The following TMEM108 variants were observed in gnomAD, a reference collection of about 807,000 sequenced individuals.
The protein encoded by TMEM108 is cancer/testis antigen 124.
A neutral mutation model predicts 35.1 loss-of-function variants in TMEM108; 12 were observed. That is an observed-to-expected ratio of 0.34 (90% CI 0.22 to 0.55). The LOEUF (loss-of-function observed/expected upper bound fraction) is 0.55, where lower values mean the gene tolerates loss of function less well. Among genes scored for constraint, TMEM108 ranks in the 20% least tolerant of loss-of-function variants. TMEM108 has a pLI of 0.89. For missense variants in TMEM108, 680 were observed against 753.3 expected, an observed-to-expected ratio of 0.90 and a Z score of 1.14; for synonymous variants, 287 against 308.6, an observed-to-expected ratio of 0.93 and a Z score of 0.73.
chr3:133,323,222 T>C (rs2071288121), intron 3 of TMEM108, among the ~76,000 whole-genome samples: 1 of 152,132 alleles, frequency 6.6e-6, no homozygotes, highest in Non-Finnish European at 1.5e-5. Context: ...GTCAAACTGT[T>C]ACTGTTCCCC....
intron 5 of TMEM108, among the ~76,000 whole-genome samples, chr3:133,391,294 C>T (rs1315587037): frequency 6.6e-6 from 1 of 152,132 alleles, no homozygotes; most frequent in Non-Finnish European, 1.5e-5. Flanking sequence ...AAATAGGTAG[C>T]TCAACTAGGA....
chr3:133,057,022 A>T (rs115185604), intron 2 of TMEM108, among the ~76,000 whole-genome samples: 356 of 152,286 alleles, frequency 2.3e-3, no homozygotes, highest in African/African-American at 8.1e-3. Flanking sequence ...CTCGGAGTTT[A>T]TTTAAGTAGA....
intron 3 of TMEM108, among the ~76,000 whole-genome samples, chr3:133,239,733 G>A (rs1946286987): frequency 6.6e-6 from 1 of 152,212 alleles, no homozygotes; most frequent in African/African-American, 2.4e-5. Context: ...AATCGCTATT[G>A]TAGACTTATG....
chr3:133,240,167 G>A (rs536192468), intron 3 of TMEM108, among the ~76,000 whole-genome samples: 20 of 152,144 alleles, frequency 1.3e-4, no homozygotes, highest in Non-Finnish European at 2.6e-4. Flanking sequence ...TTTTTGGGGG[G>A]CTTGATTATG....
chr3:133,373,386 ATAGATAG>A (rs2072737325), intron 3 of TMEM108, among the ~76,000 whole-genome samples: 1 of 3,390 alleles, frequency 2.9e-4, no homozygotes, highest in Non-Finnish European at 6.0e-4. Flanking sequence ...TAGATAGATG[ATAGATAG>A]ATAGATAGAT....
rs3054623 is a variant in TMEM108 at position 133,370,145 on chromosome 3, C to CTTTT, written c.41-9593_41-9590dup. Among the ~76,000 whole-genome samples, 889 of 126,782 alleles carry CTTTT rather than the reference C, an allele frequency of 7.0e-3. 4 individuals carry two copies. The highest frequency in any genetic ancestry group is 0.011 in the Non-Finnish European group (660 of 60,894). The allele number at this position is 126,782 out of a possible 152,430, so 83.2% of individuals were successfully genotyped here. On this transcript the variant is annotated intron_variant, in intron 3 of 5. Transcript: ENST00000321871. The stretch of plus-strand genomic sequence containing the variant: ...TGAAGTAGCACTTTGTTCAGACTCC[C>CTTTT]TTTTTTTTTTTTTTTTTGCCTAATG...
chr3:133,230,162 T>G (rs1022853239), intron 3 of TMEM108, among the ~76,000 whole-genome samples: 8 of 152,212 alleles, frequency 5.3e-5, no homozygotes, highest in Non-Finnish European at 2.9e-5. Flanking sequence ...GTAAATGAAG[T>G]ACCTATCTTT....
chr3:133,366,024 G>A (rs2072492533), intron 3 of TMEM108, among the ~76,000 whole-genome samples: 1 of 152,186 alleles, frequency 6.6e-6, no homozygotes, highest in African/African-American at 2.4e-5. Context: ...TGTGCATCTT[G>A]GCTCCACCTT....
At chr3:133,132,933 G>A (rs1187453816) in intron 2 of TMEM108, among the ~76,000 whole-genome samples, 1 of 152,208 alleles carries the variant, frequency 6.6e-6, no homozygotes, top group African/African-American at 2.4e-5. Flanking sequence ...GGAAGTCACT[G>A]CGGATGTAGT....
chr3:133,101,772 A>G (rs774043106), intron 2 of TMEM108, among the ~76,000 whole-genome samples: 2 of 152,264 alleles, frequency 1.3e-5, no homozygotes, highest in African/African-American at 2.4e-5. Flanking sequence ...TTTCCTTTGA[A>G]TGTGGTTCCA....
At chr3:133,350,015 T>C (rs1023642372) in intron 3 of TMEM108, among the ~76,000 whole-genome samples, 12 of 152,138 alleles carry the variant, frequency 7.9e-5, no homozygotes, top group African/African-American at 2.2e-4. Context: ...AGTGAAGATA[T>C]GGAATCAACC....
intron 3 of TMEM108, among the ~76,000 whole-genome samples, chr3:133,334,089 G>A (rs755978120): frequency 4.8e-4 from 73 of 152,094 alleles, no homozygotes; most frequent in Admixed American, 2.7e-3. Context: ...AGTGAGTTTC[G>A]TCAGTTAATA....
chr3:133,081,864 A>G (rs1321430697), intron 2 of TMEM108, among the ~76,000 whole-genome samples: 3 of 152,222 alleles, frequency 2.0e-5, no homozygotes, highest in Non-Finnish European at 4.4e-5. Flanking sequence ...TTGTACTGCA[A>G]TGTAACTCTG....
At chr3:133,179,017 A>G (rs1258511906) in intron 2 of TMEM108, among the ~76,000 whole-genome samples, 11 of 152,234 alleles carry the variant, frequency 7.2e-5, no homozygotes, top group Admixed American at 1.3e-4. Context: ...ACACTTCTCA[A>G]AAGAAGACAT....
chr3:133,378,651 T>C, intron 3 of TMEM108: 8 of 516,316 alleles, frequency 1.5e-5, no homozygotes, highest in Non-Finnish European at 2.0e-5. Context: ...CTACATGTCA[T>C]GCTTGCATGA....
chr3:133,201,226 A>T (rs1370633118), intron 2 of TMEM108, among the ~76,000 whole-genome samples: 1 of 152,132 alleles, frequency 6.6e-6, no homozygotes. Flanking sequence ...TTTTAGACTC[A>T]TCCCCACTCT....
chr3:133,265,748 A>G (rs1271027467), intron 3 of TMEM108, among the ~76,000 whole-genome samples: 3 of 152,204 alleles, frequency 2.0e-5, no homozygotes, highest in African/African-American at 7.2e-5. Context: ...TAGTTCTCCT[A>G]TATCAAGGCA....
chr3:133,327,626 A>T (rs1338969717), intron 3 of TMEM108, among the ~76,000 whole-genome samples: 1 of 152,088 alleles, frequency 6.6e-6, no homozygotes, highest in Non-Finnish European at 1.5e-5. Context: ...GTCAGAATGG[A>T]TGTGCAGTTA....
At chr3:133,317,145 A>G (rs1211778892) in intron 3 of TMEM108, among the ~76,000 whole-genome samples, 1 of 152,168 alleles carries the variant, frequency 6.6e-6, no homozygotes, top group Admixed American at 6.6e-5. Flanking sequence ...TGGACTGACA[A>G]ACATTCTCTG....
Sources: gnomAD v4.1 joint callset for allele counts (sites outside exome capture counted in the v4.1 genomes callset) on GRCh38, gnomAD v4.1.1 for gene constraint, MANE v1.5 for transcripts, NCBI Gene and HGNC (gene_info 2026-07-23, HGNC 2026-07-21) for gene names.